Variants in NWD2 observed in about 807,000 individuals in gnomAD.
NWD2 encodes the protein NACHT and WD repeat domain-containing protein 2.
NWD2 carries 37 observed loss-of-function variants against 132.7 expected under a neutral mutation model. The observed-to-expected ratio is 0.28, with a 90% CI of 0.21 to 0.37. The LOEUF (loss-of-function observed/expected upper bound fraction) is 0.37, where lower values mean the gene tolerates loss of function less well. Among genes scored for constraint, NWD2 ranks in the 10% least tolerant of loss-of-function variants. NWD2 has a pLI of 1.00. For synonymous variants in NWD2, 705 were observed against 803.0 expected (o/e 0.88, Z 2.06); for missense variants, 1,592 against 2,122.4 (o/e 0.75, Z 4.91).
At chr4:37,368,508 A>T (rs1179643607) in intron 3 of NWD2, among the ~76,000 whole-genome samples, 1 of 152,186 alleles carries the variant, frequency 6.6e-6, no homozygotes, top group Non-Finnish European at 1.5e-5. Context: ...ACCCACTTAA[A>T]CAGAAAGAGG....
At chr4:37,434,998 C>T (rs1435651090) in intron 5 of NWD2, among the ~76,000 whole-genome samples, 1 of 151,992 alleles carries the variant, frequency 6.6e-6, no homozygotes, top group Non-Finnish European at 1.5e-5. Flanking sequence ...AAAAACCCAC[C>T]CAGTTATTCA....
Position 37,443,254 on chromosome 4 carries a change from T to C in NWD2, c.1297-31T>C, listed in dbSNP as rs1197380614. On this transcript the variant is annotated intron_variant, in intron 6 of 6. Transcript: ENST00000309447. This position sits in a 1 kb window ranked among gnomAD's most constrained non-coding sequence, Gnocchi z 4.1. ...CACATATGACCATGTGAATACATAT[T>C]ACCATTCTAAACTCCACTTTTGTGT... is the stretch of plus-strand genomic sequence containing the variant. 3 of 1,512,376 alleles carry C rather than the reference T, an allele frequency of 2.0e-6. No individual in the cohort carries two copies. The African/African-American group carries it at 4.2e-5, about 21-fold the overall frequency. The allele number at this position is 1,512,376 out of a possible 1,614,324, so 93.7% of individuals were successfully genotyped here. A position where few individuals can be genotyped will look rare whatever the true frequency, so the allele number is the denominator to read the frequency against.
At chr4:37,302,881 A>G (rs1718635954) in intron 1 of NWD2, among the ~76,000 whole-genome samples, 1 of 152,172 alleles carries the variant, frequency 6.6e-6, no homozygotes, top group Non-Finnish European at 1.5e-5. Context: ...ATAGTTTACA[A>G]ACATTTTCAC....
At chr4:37,254,446 A>C (rs1236561606) in intron 1 of NWD2, among the ~76,000 whole-genome samples, 1 of 152,226 alleles carries the variant, frequency 6.6e-6, no homozygotes, top group East Asian at 1.9e-4. Context: ...TAAACCAGGC[A>C]GCTTAAAGTT....
chr4:37,328,681 T>C (rs1719226156), intron 2 of NWD2, among the ~76,000 whole-genome samples: 1 of 152,156 alleles, frequency 6.6e-6, no homozygotes, highest in South Asian at 2.1e-4. Flanking sequence ...TCTTTGCTAT[T>C]GTGAATAGTG....
At chr4:37,375,153 T>G (rs1344263426) in intron 3 of NWD2, among the ~76,000 whole-genome samples, 1 of 152,194 alleles carries the variant, frequency 6.6e-6, no homozygotes, top group Non-Finnish European at 1.5e-5. Context: ...GGCAAAGGTG[T>G]AAAAGTTCTC....
chr4:37,327,156 T>TA (rs1719189393), intron 2 of NWD2, among the ~76,000 whole-genome samples: 1 of 152,174 alleles, frequency 6.6e-6, no homozygotes, highest in East Asian at 1.9e-4. Flanking sequence ...CCCAAAGACT[T>TA]AGACACTCCT....
intron 2 of NWD2, among the ~76,000 whole-genome samples, chr4:37,329,248 G>T (rs1719239056): frequency 6.6e-6 from 1 of 152,092 alleles, no homozygotes; most frequent in African/African-American, 2.4e-5. Context: ...TCTAAGTGCT[G>T]GAAATAAAGG....
At chr4:37,405,730 T>C (rs538579158) in intron 3 of NWD2, among the ~76,000 whole-genome samples, 1 of 152,338 alleles carries the variant, frequency 6.6e-6, no homozygotes, top group African/African-American at 2.4e-5. Flanking sequence ...GAGTGAGGTC[T>C]AAGGGACGCA....
intron 3 of NWD2, among the ~76,000 whole-genome samples, chr4:37,386,728 C>T (rs1720571291): frequency 6.6e-6 from 1 of 152,142 alleles, no homozygotes; most frequent in African/African-American, 2.4e-5. Context: ...GAAATGTGAT[C>T]ACCAATATTG....
Position 37,249,890 on chromosome 4 carries a change from G to A in NWD2, c.151+4672G>A, listed in dbSNP as rs17420916. ...GTCTCCATAGGAAGGTTTGTTCTCC[G>A]TTACAGTGGAAGTAACAGCAAGAGA... On this transcript the variant is annotated intron_variant, in intron 1 of 6. Coordinates refer to ENST00000309447, the MANE Select transcript of NWD2 (RefSeq NM_001144990.2). 5.1e-3 allele frequency among the ~76,000 whole-genome samples: 782 copies of A among 152,184 alleles called. 3 individuals carry two copies. The highest frequency in any genetic ancestry group is 0.014 in the Middle Eastern group (4 of 294).
chr4:37,376,101 A>G lies in NWD2; in HGVS notation c.357+19619A>G, dbSNP rs556247978. Among the ~76,000 whole-genome samples, 17 of 152,346 alleles carry G rather than the reference A, an allele frequency of 1.1e-4. No homozygotes were observed. In the East Asian group the frequency reaches 2.3e-3, roughly 21 times the overall value. On this transcript the variant is annotated intron_variant, in intron 3 of 6. Coordinates refer to ENST00000309447, the MANE Select transcript of NWD2 (RefSeq NM_001144990.2). Reference sequence around the variant, plus strand: ...ATATTGATGAATTTAACATTTTCATATAAATCAAACTGCCTAATATTTTCT... The same window carrying G: ...ATATTGATGAATTTAACATTTTCATGTAAATCAAACTGCCTAATATTTTCT...
chr4:37,298,120 A>G lies in NWD2; in HGVS notation c.152-27816A>G, dbSNP rs527963866. On this transcript the variant is annotated intron_variant, in intron 1 of 6. Transcript: ENST00000309447. Reference sequence around the variant, plus strand: ...GGAAGTTTCAAGGAAGTGTGGTTTCATTCCAGATTGGGCGCTATCAGAAAA... The same window carrying G: ...GGAAGTTTCAAGGAAGTGTGGTTTCGTTCCAGATTGGGCGCTATCAGAAAA... Among the ~76,000 whole-genome samples the G allele has an allele frequency of 1.2e-3, 187 of 152,212 alleles. 2 individuals carry two copies. The highest frequency in any genetic ancestry group is 9.8e-4 in the Admixed American group (15 of 15,270).
At chr4:37,264,722 CT>C (rs978903297) in intron 1 of NWD2, among the ~76,000 whole-genome samples, 64 of 152,048 alleles carry the variant, frequency 4.2e-4, no homozygotes, top group African/African-American at 1.5e-3. Flanking sequence ...GAATCTAGCC[CT>C]TTTTTATTAA....
At chr4:37,442,971 G>A (rs1552018) in intron 6 of NWD2, among the ~76,000 whole-genome samples, 149,871 of 152,018 alleles carry the variant, frequency 0.99, 73,914 homozygotes, top group Middle Eastern at 1. Flanking sequence ...CTAGATATTT[G>A]TATTTATAAT....
chr4:37,244,983 G>C lies in NWD2; in HGVS notation c.-85G>C. The C allele has an allele frequency of 6.6e-7, 1 of 1,517,096 alleles. No individual in the cohort carries two copies. The highest frequency in any genetic ancestry group is 8.8e-7 in the Non-Finnish European group (1 of 1,132,964). 94.0% of individuals were successfully genotyped at this position (1,517,096 alleles called of 1,614,324 possible). A position where few individuals can be genotyped will look rare whatever the true frequency, so the allele number is the denominator to read the frequency against. The stretch of plus-strand genomic sequence containing the variant: ...CGCCGCCTGCTGAGATCGACCGCCT[G>C]CTGAGCCGTTCCGTGGAGCTGCGGG... On this transcript the variant is annotated 5_prime_UTR_variant, in exon 1 of 7. Coordinates refer to ENST00000309447, the MANE Select transcript of NWD2 (RefSeq NM_001144990.2). This position sits in a 1 kb window ranked among gnomAD's most constrained non-coding sequence, Gnocchi z 5.5.
chr4:37,447,272 A>T lies in NWD2; in HGVS notation c.*55A>T. On this transcript the variant is annotated 3_prime_UTR_variant, in exon 7 of 7. Coordinates refer to ENST00000309447, the MANE Select transcript of NWD2 (RefSeq NM_001144990.2). Reference sequence around the variant, plus strand: ...GTGATCCACGTACAGAAGGGAAAAAAATGTGCCCCAAATGATAAACTATTC... The same window carrying T: ...GTGATCCACGTACAGAAGGGAAAAATATGTGCCCCAAATGATAAACTATTC... 1 of 1,311,024 alleles carries T rather than the reference A, an allele frequency of 7.6e-7. No individual in the cohort carries two copies. Among genetic ancestry groups the T allele is most frequent in the Non-Finnish European group, 1.0e-6 (1 of 959,962 alleles). The allele number at this position is 1,311,024 out of a possible 1,614,324, so 81.2% of individuals were successfully genotyped here. A position where few individuals can be genotyped will look rare whatever the true frequency, so the allele number is the denominator to read the frequency against.
intron 2 of NWD2, among the ~76,000 whole-genome samples, chr4:37,331,608 G>A (rs1048069281): frequency 6.6e-6 from 1 of 152,110 alleles, no homozygotes; most frequent in Non-Finnish European, 1.5e-5. Context: ...ATGTCATATT[G>A]TGTCAATGAG....
At chr4:37,374,020 G>T (rs1352869090) in intron 3 of NWD2, among the ~76,000 whole-genome samples, 6 of 152,168 alleles carry the variant, frequency 3.9e-5, no homozygotes, top group African/African-American at 1.4e-4. Context: ...GATGGGTGGT[G>T]ATATAGTTTG....
Sources: allele counts gnomAD v4.1 joint callset (sites outside exome capture counted in the v4.1 genomes callset), GRCh38; gene constraint gnomAD v4.1.1; non-coding constraint Gnocchi (gnomAD v3.1); transcripts MANE v1.5; gene names NCBI Gene and HGNC (gene_info 2026-07-23, HGNC 2026-07-21).